SYT14: variants seen among roughly 807,000 people sequenced by gnomAD.
SYT14 encodes the protein synaptotagmin-14.
In SYT14, 32 loss-of-function variants were observed where a neutral mutation model predicts 74.2. The observed-to-expected ratio is 0.43, with a 90% confidence interval of 0.33 to 0.58. The LOEUF (loss-of-function observed/expected upper bound fraction) is 0.58. Ranked by LOEUF, SYT14 falls within the 20% of genes least tolerant of loss-of-function variation. The pLI, the probability that SYT14 is intolerant of heterozygous loss-of-function variation, is 0.05. For synonymous variants in SYT14, 298 were observed against 337.7 expected (o/e 0.88, Z 1.29); for missense variants, 791 against 981.8 (o/e 0.81, Z 2.60).
In SYT14 at chr1:210,161,326, T is replaced by C. The variant is rs1274029802; in HGVS notation, c.*284T>C. On this transcript the variant is annotated 3_prime_UTR_variant, in exon 10 of 10. Transcript: ENST00000637265. The stretch of plus-strand genomic sequence containing the variant: ...AAGATGTTTTTGATTTGAAGTTAAT[T>C]TTAATTTAGCAAAAGAGCCAGTCAT... The C allele has an allele frequency of 2.9e-5, 8 of 271,798 alleles. 1 individual carries two copies. Among genetic ancestry groups the C allele is most frequent in the Admixed American group, 1.2e-4 (3 of 24,438 alleles). The allele number at this position is 271,798 out of a possible 1,614,324, so 16.8% of individuals were successfully genotyped here.
rs1572406767 is a variant in SYT14 at position 210,167,982 on chromosome 1, G to C, written c.*6940G>C. On this transcript the variant is annotated 3_prime_UTR_variant, in exon 10 of 10. Coordinates refer to ENST00000637265, the Ensembl canonical transcript of SYT14. ...AATCACCTGTACTGGACCATAGGGA[G>C]GACCAAATAGGCTTTCTTGGGGACT... The C allele has an allele frequency of 3.3e-5, 5 of 152,468 alleles. No homozygotes were observed. The South Asian group carries it at 1.0e-3, about 32-fold the overall frequency. 9.4% of individuals were successfully genotyped at this position (152,468 alleles called of 1,614,324 possible). A position where few individuals can be genotyped will look rare whatever the true frequency, so the allele number is the denominator to read the frequency against.
intron 2 of SYT14, among the ~76,000 whole-genome samples, chr1:209,969,140 C>A (rs1413525269): frequency 6.6e-6 from 1 of 152,060 alleles, no homozygotes; most frequent in Non-Finnish European, 1.5e-5. Flanking sequence ...TTTATTCAAT[C>A]CACTGTTGAT....
At chr1:210,159,350 T>C (rs2102723682) in intron 8 of SYT14, 71 bp from the exon 8 acceptor site, 1 of 1,413,018 alleles carries the variant, frequency 7.1e-7, no homozygotes, top group East Asian at 2.5e-5. Context: ...TTCTAACCTT[T>C]GACCCTCTTT....
intron 7 of SYT14, among the ~76,000 whole-genome samples, chr1:210,147,548 A>G (rs188853462): frequency 1.3e-5 from 2 of 152,364 alleles, no homozygotes; most frequent in Admixed American, 6.5e-5. Flanking sequence ...AACAGCTACA[A>G]CAAAGGCCAG....
At chr1:209,970,572 T>C (rs541874859) in intron 2 of SYT14, among the ~76,000 whole-genome samples, 1 of 151,956 alleles carries the variant, frequency 6.6e-6, no homozygotes, top group Non-Finnish European at 1.5e-5. Context: ...ATATGAATTT[T>C]AGAATAGTTT....
intron 2 of SYT14, among the ~76,000 whole-genome samples, chr1:209,990,407 C>T (rs896398639): frequency 1.5e-4 from 22 of 150,656 alleles, no homozygotes; most frequent in Admixed American, 1.0e-3. Flanking sequence ...CATCATGGAA[C>T]GCCCCCACCT....
exon 8 of SYT14, chr1:210,155,762 T>C (rs2102712401): frequency 6.2e-7 from 1 of 1,613,980 alleles, no homozygotes; most frequent in Middle Eastern, 1.7e-4. Flanking sequence ...TGTCGTGTAG[T>C]GAAAGTACAT....
At chr1:210,144,990 T>G (rs1237428526) in intron 7 of SYT14, among the ~76,000 whole-genome samples, 1 of 152,122 alleles carries the variant, frequency 6.6e-6, no homozygotes, top group Non-Finnish European at 1.5e-5. Flanking sequence ...TTTTTGAAAT[T>G]TTCAGAAATG....
intron 2 of SYT14, among the ~76,000 whole-genome samples, chr1:210,009,875 C>T (rs1471058282): frequency 1.3e-5 from 2 of 152,102 alleles, no homozygotes; most frequent in African/African-American, 2.4e-5. Context: ...TAGTGCATTA[C>T]CATTTACCCA....
chr1:210,000,711 T>C (rs2079883480), intron 2 of SYT14, among the ~76,000 whole-genome samples: 1 of 147,394 alleles, frequency 6.8e-6, no homozygotes, highest in South Asian at 2.2e-4. Context: ...GCCCTCCGAG[T>C]CAAGTGATTC....
At chr1:210,162,336 G>A (rs191045350) in exon 10 of SYT14, 28 of 445,110 alleles carry the variant, frequency 6.3e-5, no homozygotes, top group Admixed American at 2.6e-4. Context: ...GAACAGTGTC[G>A]CAAGATCTTT....
At chr1:210,028,327 T>G (rs2080457554) in intron 5 of SYT14, among the ~76,000 whole-genome samples, 1 of 152,144 alleles carries the variant, frequency 6.6e-6, no homozygotes, top group Non-Finnish European at 1.5e-5. Context: ...AGTGTGCAGC[T>G]CAATAGTTTT....
chr1:210,013,159 C>T (rs912495223), intron 2 of SYT14, among the ~76,000 whole-genome samples: 1 of 150,204 alleles, frequency 6.7e-6, no homozygotes, highest in African/African-American at 2.5e-5. Flanking sequence ...CAGCCTCTGT[C>T]TCCCAGGTTC....
At chr1:210,027,346 T>A (rs2080435564) in intron 5 of SYT14, among the ~76,000 whole-genome samples, 1 of 151,868 alleles carries the variant, frequency 6.6e-6, no homozygotes, top group South Asian at 2.1e-4. Flanking sequence ...GCCCAGGAGT[T>A]TGAGGTTGCA....
At chr1:210,133,925 T>C (rs1438591608) in intron 7 of SYT14, among the ~76,000 whole-genome samples, 2 of 148,404 alleles carry the variant, frequency 1.3e-5, no homozygotes, top group Non-Finnish European at 3.0e-5. Flanking sequence ...AGGAATGGAG[T>C]TGGCATTCCA....
At chr1:209,966,148 G>T in intron 2 of SYT14, 1 of 307,228 alleles carries the variant, frequency 3.3e-6, no homozygotes, top group African/African-American at 2.2e-5. Context: ...GAGGTTACAG[G>T]CATGAGCCAC....
At chr1:210,031,731 T>C (rs114129362) in intron 5 of SYT14, among the ~76,000 whole-genome samples, 4,050 of 152,114 alleles carry the variant, frequency 0.027, 188 homozygotes, top group African/African-American at 0.091. Context: ...TTTAATATCA[T>C]TGTGGCCAGT....
intron 5 of SYT14, among the ~76,000 whole-genome samples, chr1:210,039,959 G>A (rs2080751768): frequency 6.6e-6 from 1 of 152,152 alleles, no homozygotes; most frequent in Admixed American, 6.5e-5. Context: ...AACCATTGTG[G>A]AAGACAGTGT....
chr1:210,147,939 C>T (rs1314383815), intron 7 of SYT14, among the ~76,000 whole-genome samples: 1 of 152,000 alleles, frequency 6.6e-6, no homozygotes, highest in Non-Finnish European at 1.5e-5. Context: ...GCCCAGAGTG[C>T]GTGTGTTGTG....
Sources: gnomAD v4.1 joint callset for allele counts (sites outside exome capture counted in the v4.1 genomes callset) on GRCh38, gnomAD v4.1.1 for gene constraint, MANE v1.5 for transcripts, NCBI Gene and HGNC (gene_info 2026-07-23, HGNC 2026-07-21) for gene names.